POU2AF2: variants seen among roughly 807,000 people sequenced by gnomAD.
POU2AF2 encodes the protein POU domain class 2-associating factor 2.
the POU2AF2 span, among the ~76,000 whole-genome samples, chr11:111,253,673 A>G: frequency 5.3e-5 from 8 of 152,344 alleles, no homozygotes; most frequent in East Asian, 1.2e-3. Flanking sequence ...AAAAGTCTAT[A>G]TAAAATGCAA....
the POU2AF2 span, chr11:111,284,322 C>T: frequency 1.2e-5 from 19 of 1,612,058 alleles, no homozygotes; most frequent in Non-Finnish European, 1.4e-5. Flanking sequence ...AGCGCCTCGC[C>T]CCTACCGCCG....
At chr11:111,273,451 A>G in the POU2AF2 span, among the ~76,000 whole-genome samples, 1 of 152,244 alleles carries the variant, frequency 6.6e-6, no homozygotes, top group East Asian at 1.9e-4. Flanking sequence ...ATGAAAAATT[A>G]AATGTATAAA....
the POU2AF2 span, among the ~76,000 whole-genome samples, chr11:111,279,878 T>G: frequency 6.6e-6 from 1 of 151,076 alleles, no homozygotes; most frequent in African/African-American, 2.4e-5. Context: ...CCATCTCTAC[T>G]AAAAATGCAA....
At chr11:111,270,970 G>C in the POU2AF2 span, among the ~76,000 whole-genome samples, 1 of 152,116 alleles carries the variant, frequency 6.6e-6, no homozygotes. Context: ...TTTCCAACCT[G>C]TCATTTTAGC....
At chr11:111,284,513 C>T in the POU2AF2 span, 7 of 1,078,766 alleles carry the variant, frequency 6.5e-6, no homozygotes, top group Admixed American at 5.8e-5. Context: ...TTTGCAGCTG[C>T]CTAGAGATGC....
At chr11:111,245,996 T>G in the POU2AF2 span, 2 of 391,602 alleles carry the variant, frequency 5.1e-6, no homozygotes, top group Non-Finnish European at 9.0e-6. Flanking sequence ...TATAAAAATA[T>G]AAAACACAGA....
the POU2AF2 span, chr11:111,255,963 G>A: frequency 2.5e-6 from 1 of 399,182 alleles, no homozygotes; most frequent in East Asian, 3.6e-5. Context: ...CATTCGTTGT[G>A]ACTATTCCAT....
the POU2AF2 span, among the ~76,000 whole-genome samples, chr11:111,271,970 T>C: frequency 1.3e-5 from 2 of 152,156 alleles, no homozygotes; most frequent in Non-Finnish European, 2.9e-5. Context: ...TGAGCCAAGA[T>C]TGTGTCATTG....
the POU2AF2 span, among the ~76,000 whole-genome samples, chr11:111,277,758 C>T: frequency 1.3e-5 from 2 of 152,122 alleles, no homozygotes; most frequent in South Asian, 2.1e-4. Context: ...TCTCCCTGGG[C>T]GGCACCCAGG....
chr11:111,261,565 A>T, the POU2AF2 span, among the ~76,000 whole-genome samples: 2 of 152,042 alleles, frequency 1.3e-5, no homozygotes, highest in East Asian at 1.9e-4. Context: ...ATCAGCTGAC[A>T]TGAGGGGGGA....
the POU2AF2 span, among the ~76,000 whole-genome samples, chr11:111,281,702 A>T: frequency 6.6e-6 from 1 of 152,230 alleles, no homozygotes; most frequent in Non-Finnish European, 1.5e-5. Context: ...TACAGTTTTA[A>T]ATTGTCTAAA....
At chr11:111,259,309 C>CTTTTTTTT in the POU2AF2 span, among the ~76,000 whole-genome samples, 2 of 129,982 alleles carry the variant, frequency 1.5e-5, 1 homozygote, top group African/African-American at 5.9e-5. Flanking sequence ...TTCCACATTC[C>CTTTTTTTT]TTTTTTTTTT....
At chr11:111,276,653 GA>G in the POU2AF2 span, among the ~76,000 whole-genome samples, 37,990 of 126,306 alleles carry the variant, frequency 0.3, 5,419 homozygotes, top group Admixed American at 0.37. Context: ...AAAAAAAAAA[GA>G]AAAAAAAAGA....
the POU2AF2 span, among the ~76,000 whole-genome samples, chr11:111,268,705 G>A: frequency 1.3e-5 from 2 of 150,942 alleles, no homozygotes; most frequent in African/African-American, 4.9e-5. Context: ...GGCTATGTTT[G>A]TTTGTTTGTT....
At chr11:111,271,874 G>A in the POU2AF2 span, among the ~76,000 whole-genome samples, 13 of 152,198 alleles carry the variant, frequency 8.5e-5, no homozygotes, top group East Asian at 9.7e-4. Flanking sequence ...AAAATTAGCC[G>A]GGCATGGTGA....
At chr11:111,259,342 A>C in the POU2AF2 span, among the ~76,000 whole-genome samples, 1 of 147,230 alleles carries the variant, frequency 6.8e-6, no homozygotes, top group African/African-American at 2.5e-5. Flanking sequence ...CTGAGACAGA[A>C]TCTGGTTCTG....
chr11:111,283,803 C>A, the POU2AF2 span, among the ~76,000 whole-genome samples: 1 of 152,120 alleles, frequency 6.6e-6, no homozygotes, highest in South Asian at 2.1e-4. Flanking sequence ...CGCCGGTCAC[C>A]GGGAAGGTAC....
chr11:111,271,835 A>G, the POU2AF2 span, among the ~76,000 whole-genome samples: 1 of 152,204 alleles, frequency 6.6e-6, no homozygotes, highest in Admixed American at 6.5e-5. Flanking sequence ...CAACATGGTG[A>G]AACCCCGTCT....
the POU2AF2 span, among the ~76,000 whole-genome samples, chr11:111,254,776 G>A: frequency 1.3e-5 from 2 of 152,128 alleles, no homozygotes; most frequent in African/African-American, 4.8e-5. Flanking sequence ...TTTTGGTTAT[G>A]TGCCTCATAC....
Sources: allele counts gnomAD v4.1 joint callset (sites outside exome capture counted in the v4.1 genomes callset), GRCh38; gene constraint gnomAD v4.1.1; transcripts MANE v1.5; gene names NCBI Gene and HGNC (gene_info 2026-07-23, HGNC 2026-07-21).